ITPR3: variants seen among roughly 807,000 people sequenced by gnomAD.
The protein encoded by ITPR3 is inositol 1,4,5-trisphosphate-gated calcium channel ITPR3.
Under a neutral mutation model 293.2 loss-of-function variants are expected in ITPR3, and 173 were observed. The observed-to-expected ratio is 0.59, with a 90% confidence interval of 0.52 to 0.67. The LOEUF is 0.67. ITPR3 is among the 30% of genes least tolerant of loss of function. The pLI is 0.00. For missense variants in ITPR3, 2,796 were observed against 3,592.1 expected (o/e 0.78, Z 5.66); for synonymous variants, 1,295 against 1,444.4 (o/e 0.90, Z 2.35).
Position 33,682,024 on chromosome 6 carries a change from G to C in ITPR3, c.4477-500G>C, listed in dbSNP as rs951925922. On this transcript the variant is annotated intron_variant, in intron 33 of 57. Coordinates refer to ENST00000605930, the MANE Select transcript of ITPR3 (RefSeq NM_002224.4). The surrounding 1 kb of genome is among the most constrained non-coding windows in gnomAD (Gnocchi z 5.4). ...AGCCTCCTGAGTAGCTGGGATTATAGGCACCCGCCACCACGCCCGGCTAAT... is the reference window on the plus strand; with the variant it reads ...AGCCTCCTGAGTAGCTGGGATTATACGCACCCGCCACCACGCCCGGCTAAT... 6.6e-6 allele frequency among the ~76,000 whole-genome samples: 1 copy of C among 152,066 alleles called. No individual in the cohort carries two copies. Among genetic ancestry groups the C allele is most frequent in the Non-Finnish European group, 1.5e-5 (1 of 68,030 alleles).
chr6:33,678,494 G>A lies in ITPR3; in HGVS notation c.3722G>A (p.Gly1241Asp). 6.2e-7 allele frequency: 1 copy of A among 1,608,984 alleles called. No individual in the cohort carries two copies. The highest frequency in any genetic ancestry group is 8.5e-7 in the Non-Finnish European group (1 of 1,177,604). The part of the protein sequence containing the change: ...FLQKFCAGNP[G>D]NQALLHKHLH... ...CAGAAGTTCTGTGCAGGGAACCCCG[G>A]CAACCAGGCCCTGCTGCACAAACAC... is the stretch of plus-strand genomic sequence containing the variant. The change falls in exon 29 of 58, where the codon GGC becomes GAC. Residue 1241 changes from glycine (G) to aspartate (D), a missense_variant. Gly to Asp is a moderately conservative substitution (Grantham distance 94). Transcript: ENST00000605930.
At chr6:33,636,922 C>G (rs1233254717) in intron 1 of ITPR3, among the ~76,000 whole-genome samples, 1 of 152,178 alleles carries the variant, frequency 6.6e-6, no homozygotes, top group Non-Finnish European at 1.5e-5. Flanking sequence ...CCTCTGCCGT[C>G]CCGTCATTCT....
At position 33,657,855 on chromosome 6, in the gene ITPR3, A is replaced by C. The variant is rs1764350626; in HGVS notation, c.283-77A>C. On this transcript the variant is annotated intron_variant, in intron 3 of 57. Coordinates refer to ENST00000605930, the MANE Select transcript of ITPR3 (RefSeq NM_002224.4). ...TGTGTTTGTGTGCATGTGTGCGTGC[A>C]TGTGTGGGGCTGGGGTATGTCTTCC... 4 of 1,153,486 alleles carry C rather than the reference A, an allele frequency of 3.5e-6. 1 individual carries two copies. Among genetic ancestry groups the C allele is most frequent in the Non-Finnish European group, 1.3e-6 (1 of 777,720 alleles). 71.5% of individuals were successfully genotyped at this position (1,153,486 alleles called of 1,614,324 possible). A position where few individuals can be genotyped will look rare whatever the true frequency, so the allele number is the denominator to read the frequency against.
At chr6:33,695,322 GC>G (rs1765513321) in intron 57 of ITPR3, 1 of 576,302 alleles carries the variant, frequency 1.7e-6, no homozygotes, top group Non-Finnish European at 3.1e-6. Flanking sequence ...GGGTGGTGGG[GC>G]CCTCTGTCTC....
chr6:33,685,586 T>TG, intron 40 of ITPR3, 53 bp downstream of exon 40: 1 of 1,594,306 alleles, frequency 6.3e-7, no homozygotes, highest in Non-Finnish European at 8.6e-7. Flanking sequence ...GGATAAGATG[T>TG]GCAGGGGGGT....
In ITPR3 at chr6:33,632,676, C is replaced by A. The variant is rs1763710067; in HGVS notation, c.90-7808C>A. Among the ~76,000 whole-genome samples, 1 of 152,258 alleles carries A rather than the reference C, an allele frequency of 6.6e-6. No individual in the cohort carries two copies. Among genetic ancestry groups the A allele is most frequent in the Non-Finnish European group, 1.5e-5 (1 of 68,040 alleles). ...CAGGCCTCCAGCCAGGACCCTTTCC[C>A]TGTAGCCCCATCCTCCTGCTCCCTC... On this transcript the variant is annotated intron_variant, in intron 1 of 57. Coordinates refer to ENST00000605930, the MANE Select transcript of ITPR3 (RefSeq NM_002224.4). This position sits in a 1 kb window ranked among gnomAD's most constrained non-coding sequence, Gnocchi z 4.1.
At chr6:33,690,382 C>G (rs1302414925) in intron 51 of ITPR3, among the ~76,000 whole-genome samples, 184 bp downstream of exon 51, 1 of 152,134 alleles carries the variant, frequency 6.6e-6, no homozygotes, top group Admixed American at 6.5e-5. Context: ...GCCCTGATGG[C>G]CACTCCTGGT....
Position 33,676,472 on chromosome 6 carries a change from A to T in ITPR3, c.3283-296A>T, listed in dbSNP as rs1764909205. ...TTTTGCCCTGCCTGTTTGGGGTCTC[A>T]GTGGATAAGTGACAGACCACAGCCA... On this transcript the variant is annotated intron_variant, in intron 25 of 57. Coordinates refer to ENST00000605930, the MANE Select transcript of ITPR3 (RefSeq NM_002224.4). Among the ~76,000 whole-genome samples, 3 of 152,216 alleles carry T rather than the reference A, an allele frequency of 2.0e-5. No individual in the cohort carries two copies. The South Asian group carries it at 6.2e-4, about 31-fold the overall frequency.
In ITPR3 at chr6:33,643,006, G is replaced by A. The variant is rs75153895; in HGVS notation, c.160+2452G>A. 2.4e-4 allele frequency among the ~76,000 whole-genome samples: 37 copies of A among 152,312 alleles called. 1 individual carries two copies. Among genetic ancestry groups the A allele is most frequent in the Middle Eastern group, 6.8e-3 (2 of 294 alleles). On this transcript the variant is annotated intron_variant, in intron 2 of 57. Transcript: ENST00000605930. The stretch of plus-strand genomic sequence containing the variant: ...GTACAAGTTGGGGCATTAGAATGTG[G>A]GATGAGAGACATGGACTATAGCCTC...
At chr6:33,653,334 C>T (rs1415712681) in intron 2 of ITPR3, among the ~76,000 whole-genome samples, 2 of 145,150 alleles carry the variant, frequency 1.4e-5, no homozygotes, top group African/African-American at 2.6e-5. Context: ...AGGCCAGTCT[C>T]GAACTCCTGG....
chr6:33,625,154 C>T (rs1387166558), intron 1 of ITPR3, among the ~76,000 whole-genome samples: 2 of 152,048 alleles, frequency 1.3e-5, no homozygotes, highest in Admixed American at 6.5e-5. Context: ...AATGTGGCCT[C>T]AGGCCAGTGG....
intron 2 of ITPR3, among the ~76,000 whole-genome samples, chr6:33,641,484 A>G (rs371174324): frequency 2.6e-5 from 4 of 152,054 alleles, no homozygotes; most frequent in African/African-American, 9.7e-5. Flanking sequence ...CTTGCCCATC[A>G]CTTGGAACCT....
rs1765415955 is a variant in ITPR3, at chr6:33,692,260, G to A, written c.7458+332G>A. Reference sequence around the variant, plus strand: ...CTTTATCAGGAGGCCTCATGATTTGGCTTGGGCAGCCACATTCCCGAATGT... The same window carrying A: ...CTTTATCAGGAGGCCTCATGATTTGACTTGGGCAGCCACATTCCCGAATGT... On this transcript the variant is annotated intron_variant, in intron 54 of 57. Transcript: ENST00000605930. This position sits in a 1 kb window ranked among gnomAD's most constrained non-coding sequence, Gnocchi z 4.2. 6.6e-6 allele frequency among the ~76,000 whole-genome samples: 1 copy of A among 152,208 alleles called. No homozygotes were observed. The highest frequency in any genetic ancestry group is 6.5e-5 in the Admixed American group (1 of 15,282).
Position 33,655,964 on chromosome 6 carries a change from C to T in ITPR3, c.282+77C>T, listed in dbSNP as rs1307133433. On this transcript the variant is annotated intron_variant, in intron 3 of 57. Coordinates refer to ENST00000605930, the MANE Select transcript of ITPR3 (RefSeq NM_002224.4). This position sits in a 1 kb window ranked among gnomAD's most constrained non-coding sequence, Gnocchi z 4.9. ...GTACACAAGCAGCGGTGCTGCTTGT[C>T]GGAGCCAGTAGGGGCTCTGTGGCTG... 5.7e-6 allele frequency: 9 copies of T among 1,574,466 alleles called. No individual in the cohort carries two copies. The highest frequency in any genetic ancestry group is 1.7e-5 in the Admixed American group (1 of 57,630).
chr6:33,684,245 C>T lies in ITPR3; in HGVS notation c.4937+77C>T. On this transcript the variant is annotated intron_variant, in intron 36 of 57. Coordinates refer to ENST00000605930, the MANE Select transcript of ITPR3 (RefSeq NM_002224.4). The surrounding 1 kb of genome is among the most constrained non-coding windows in gnomAD (Gnocchi z 4.2). ...AGAGAAGGGCCCGGTGGGGACTAGA[C>T]AGGCTCACTGGGTCAGAGGGCCTGG... The T allele has an allele frequency of 3.1e-6, 5 of 1,596,530 alleles. No homozygotes were observed. Among genetic ancestry groups the T allele is most frequent in the Non-Finnish European group, 4.3e-6 (5 of 1,169,194 alleles).
Position 33,691,761 on chromosome 6 carries a change from G to A in ITPR3, c.7331-40G>A, listed in dbSNP as rs759625093. 1.0e-5 allele frequency: 16 copies of A among 1,608,002 alleles called. No homozygotes were observed. Among genetic ancestry groups the A allele is most frequent in the Admixed American group, 6.8e-5 (4 of 58,824 alleles). The stretch of plus-strand genomic sequence containing the variant: ...TGCAGGAGTCTGTGTGGGGTAGGAG[G>A]AGCAGGCAGCCCGGGCCTCAGCACA... On this transcript the variant is annotated intron_variant, in intron 53 of 57. Transcript: ENST00000605930. The surrounding 1 kb of genome is among the most constrained non-coding windows in gnomAD (Gnocchi z 4.9).
In ITPR3 at chr6:33,638,716, A is replaced by C. The variant is rs1763879815; in HGVS notation, c.90-1768A>C. Among the ~76,000 whole-genome samples the C allele has an allele frequency of 6.6e-6, 1 of 152,266 alleles. No individual in the cohort carries two copies. Among genetic ancestry groups the C allele is most frequent in the Non-Finnish European group, 1.5e-5 (1 of 68,052 alleles). The stretch of plus-strand genomic sequence containing the variant: ...AACACTTTGCATTGTGCAAGGTGTT[A>C]ATCATTACAAAGAAAACACACAGGG... On this transcript the variant is annotated intron_variant, in intron 1 of 57. Coordinates refer to ENST00000605930, the MANE Select transcript of ITPR3 (RefSeq NM_002224.4). This position sits in a 1 kb window ranked among gnomAD's most constrained non-coding sequence, Gnocchi z 4.3.
chr6:33,684,390 G>C lies in ITPR3; in HGVS notation c.4971G>C (p.Ser1657=), dbSNP rs118044529. The C allele has an allele frequency of 3.1e-6, 5 of 1,613,934 alleles. No individual in the cohort carries two copies. The Admixed American group carries it at 8.3e-5, about 27-fold the overall frequency. Reference sequence around the variant, plus strand: ...AGCACACCAAGGACCTCATGGAGTCGGAGGAGAAGCTGTGCATCAAGGTGC... The same window carrying C: ...AGCACACCAAGGACCTCATGGAGTCCGAGGAGAAGCTGTGCATCAAGGTGC... The part of the protein sequence containing the change: ...LIQHTKDLME[S]EEKLCIKVLR... The change falls in exon 37 of 58, where the codon TCG becomes TCC. Residue 1657 remains serine (S), a synonymous_variant. Coordinates refer to ENST00000605930, the MANE Select transcript of ITPR3 (RefSeq NM_002224.4). The surrounding 1 kb of genome is among the most constrained non-coding windows in gnomAD (Gnocchi z 4.2).
In ITPR3 at chr6:33,691,037, A is replaced by G. The variant is rs1345955089; in HGVS notation, c.7153A>G (p.Ile2385Val). 2 of 1,613,754 alleles carry G rather than the reference A, an allele frequency of 1.2e-6. No individual in the cohort carries two copies. The highest frequency in any genetic ancestry group is 1.3e-5 in the African/African-American group (1 of 74,808). Residue 2385 changes from isoleucine (I) to valine (V), a missense_variant, in exon 52 of 58, where the codon ATC (isoleucine) becomes GTC (valine). Physicochemically the swap from Ile to Val is conservative, Grantham distance 29 (BLOSUM62 3). Transcript: ENST00000605930. This position sits in a 1 kb window ranked among gnomAD's most constrained non-coding sequence, Gnocchi z 4.9. ...LALILVYLFS[I>V]VGFLFLKDDF... is the part of the protein sequence containing the mutation. ...CCTCATCCTGGTCTACCTCTTCTCC[A>G]TCGTCGGCTTCCTCTTCCTCAAGGA...
Sources: allele counts gnomAD v4.1 joint callset (sites outside exome capture counted in the v4.1 genomes callset), GRCh38; gene constraint gnomAD v4.1.1; non-coding constraint Gnocchi (gnomAD v3.1); transcripts MANE v1.5; gene names NCBI Gene and HGNC (gene_info 2026-07-23, HGNC 2026-07-21).